Variants in NRXN1 observed in about 807,000 individuals in gnomAD.
NRXN1 encodes the protein neurexin 1.
Under a neutral mutation model 150.9 loss-of-function variants are expected in NRXN1, and 39 were observed. That is an observed-to-expected ratio of 0.26 (90% confidence interval 0.20 to 0.34). The LOEUF is 0.34. Among genes scored for constraint, NRXN1 ranks in the 10% least tolerant of loss-of-function variants. The pLI is 1.00. For synonymous variants in NRXN1, 924 were observed against 757.0 expected (o/e 1.22, Z -3.62); for missense variants, 1,815 against 1,949.9 (o/e 0.93, Z 1.30).
At chr2:50,947,537 C>T (rs2104551508) in intron 2 of NRXN1, among the ~76,000 whole-genome samples, 1 of 151,848 alleles carries the variant, frequency 6.6e-6, no homozygotes, top group South Asian at 2.1e-4. Flanking sequence ...TTATTCTAGA[C>T]AAGATAATAT....
intron 5 of NRXN1, among the ~76,000 whole-genome samples, chr2:50,807,392 C>A (rs1463203135): frequency 6.6e-6 from 1 of 152,182 alleles, no homozygotes; most frequent in African/African-American, 2.4e-5. Context: ...AGTGTTCTAT[C>A]TCACCCCAAA....
intron 2 of NRXN1, among the ~76,000 whole-genome samples, chr2:51,010,767 C>G (rs1028121697): frequency 6.6e-6 from 1 of 150,878 alleles, no homozygotes; most frequent in Non-Finnish European, 1.5e-5. Flanking sequence ...ACCTTTCGGC[C>G]AAAACTGGGT....
At position 50,019,966 on chromosome 2, in the gene NRXN1, AAAAAAAAGAG is replaced by A. The variant is rs1323629953; in HGVS notation, c.4128+33295_4128+33304del. Among the ~76,000 whole-genome samples the A allele has an allele frequency of 1.0e-4, 13 of 129,378 alleles. 2 individuals carry two copies. Among genetic ancestry groups the A allele is most frequent in the African/African-American group, 3.6e-4 (13 of 35,708 alleles). The allele number at this position is 129,378 out of a possible 152,430, so 84.9% of individuals were successfully genotyped here. On this transcript the variant is annotated intron_variant, in intron 21 of 22. Coordinates refer to ENST00000401669, the MANE Select transcript of NRXN1 (RefSeq NM_001330078.2). ...CCGTCTCAAAAAAAAAAAAAAAAAA[AAAAAAAAGAG>A]AGAGAGAGAGACCTAGGGAGCTACG...
intron 10 of NRXN1, among the ~76,000 whole-genome samples, chr2:50,533,762 T>C (rs2093179871): frequency 6.6e-6 from 1 of 152,148 alleles, no homozygotes; most frequent in East Asian, 1.9e-4. Context: ...AATTTCATGA[T>C]CTCACTGAAG....
intron 8 of NRXN1, among the ~76,000 whole-genome samples, chr2:50,592,040 T>C (rs1242401365): frequency 1.3e-5 from 2 of 152,170 alleles, no homozygotes; most frequent in Non-Finnish European, 2.9e-5. Flanking sequence ...AAGGAGGAGA[T>C]AAGAATAACC....
chr2:50,312,742 C>CTTG, intron 17 of NRXN1: 1 of 516,776 alleles, frequency 1.9e-6, no homozygotes. Context: ...CATAGGTAAG[C>CTTG]CAAATACATA....
intron 21 of NRXN1, among the ~76,000 whole-genome samples, chr2:49,945,493 C>A (rs1672732696): frequency 6.6e-6 from 1 of 151,718 alleles, no homozygotes; most frequent in Non-Finnish European, 1.5e-5. Context: ...ACCCATCAAC[C>A]TGTCATCTAC....
intron 5 of NRXN1, among the ~76,000 whole-genome samples, chr2:50,635,092 A>G (rs1573905116): frequency 6.6e-6 from 1 of 152,212 alleles, no homozygotes; most frequent in Middle Eastern, 3.4e-3. Flanking sequence ...AAAGACTCAA[A>G]GGGATATCTC....
chr2:50,508,817 G>T (rs1207223821), intron 12 of NRXN1, among the ~76,000 whole-genome samples: 1 of 152,090 alleles, frequency 6.6e-6, no homozygotes, highest in Non-Finnish European at 1.5e-5. Context: ...CCAACTTCTA[G>T]CTCCTTTCAT....
chr2:50,748,218 C>T (rs1182492369), intron 5 of NRXN1, among the ~76,000 whole-genome samples: 2 of 152,140 alleles, frequency 1.3e-5, no homozygotes, highest in Admixed American at 1.3e-4. Flanking sequence ...GTACTTTTAC[C>T]CAGCAAATCA....
chr2:49,964,712 G>GTA (rs1558596270), intron 21 of NRXN1, among the ~76,000 whole-genome samples: 11 of 150,264 alleles, frequency 7.3e-5, no homozygotes, highest in East Asian at 4.0e-4. Flanking sequence ...ATGGTGGCGG[G>GTA]CACCTGTAAT....
intron 19 of NRXN1, among the ~76,000 whole-genome samples, chr2:50,058,235 A>G (rs1424521557): frequency 1.3e-5 from 2 of 152,168 alleles, no homozygotes; most frequent in Admixed American, 6.5e-5. Context: ...ATTCCCAATG[A>G]TTAACAGAGG....
intron 2 of NRXN1, among the ~76,000 whole-genome samples, chr2:50,944,330 A>G (rs1689974295): frequency 6.6e-6 from 1 of 152,182 alleles, no homozygotes; most frequent in African/African-American, 2.4e-5. Flanking sequence ...GGGGTCTCCA[A>G]CACAAACTAC....
chr2:50,066,061 G>A (rs537702484), intron 19 of NRXN1, among the ~76,000 whole-genome samples: 29 of 152,190 alleles, frequency 1.9e-4, no homozygotes, highest in Admixed American at 5.9e-4. Flanking sequence ...TTACAACTGC[G>A]GTTCCTACAC....
intron 5 of NRXN1, among the ~76,000 whole-genome samples, chr2:50,894,068 A>G (rs1225228000): frequency 6.6e-6 from 1 of 151,864 alleles, no homozygotes; most frequent in Non-Finnish European, 1.5e-5. Flanking sequence ...GAAGGGGAAC[A>G]TCACACTCTG....
chr2:49,945,011 G>A (rs1265760529), intron 21 of NRXN1: 1 of 152,108 alleles, frequency 6.6e-6, no homozygotes, highest in East Asian at 1.9e-4. Context: ...AACTTTTATA[G>A]AAAGTATTAG....
chr2:50,531,525 A>T (rs1186791547), intron 10 of NRXN1, 95 bp from the exon 11 acceptor site: 1 of 881,026 alleles, frequency 1.1e-6, no homozygotes, highest in African/African-American at 1.7e-5. Context: ...TTTATTTAAG[A>T]CTTCCAGAAC....
At position 50,353,141 on chromosome 2, in the gene NRXN1, T is replaced by C. The variant is rs538043115; in HGVS notation, c.3364+112301A>G. Among the ~76,000 whole-genome samples, 5 of 152,262 alleles carry C rather than the reference T, an allele frequency of 3.3e-5. 1 individual carries two copies. The East Asian group carries it at 9.6e-4, about 29-fold the overall frequency. On this transcript the variant is annotated intron_variant, in intron 17 of 22. Transcript: ENST00000401669. The stretch of plus-strand genomic sequence containing the variant: ...TGACTAGATTTATTCAAGTCAAGAT[T>C]GGTTGTGTTTAGCTCTGAAATATTC...
chr2:50,482,019 C>T (rs1377558924), intron 15 of NRXN1, among the ~76,000 whole-genome samples: 1 of 137,386 alleles, frequency 7.3e-6, no homozygotes, highest in Admixed American at 6.8e-5. Context: ...CCGCCCGCCT[C>T]GGCCTCCCAA....
Sources: allele counts gnomAD v4.1 joint callset (sites outside exome capture counted in the v4.1 genomes callset), GRCh38; gene constraint gnomAD v4.1.1; transcripts MANE v1.5; gene names NCBI Gene and HGNC (gene_info 2026-07-23, HGNC 2026-07-21).